The following KHDRBS2 variants were observed in gnomAD, a reference collection of about 807,000 sequenced individuals.
KHDRBS2 encodes the protein KH RNA binding domain containing, signal transduction associated 2.
KHDRBS2 carries 26 observed loss-of-function variants against 44.3 expected under a neutral mutation model. The observed-to-expected ratio is 0.59, with a 90% CI of 0.43 to 0.81. The LOEUF (loss-of-function observed/expected upper bound fraction) is 0.81. KHDRBS2 is among the 40% of genes least tolerant of loss of function. KHDRBS2 has a pLI of 0.00. For synonymous variants in KHDRBS2, 194 were observed against 151.1 expected (o/e 1.28, Z -2.08); for missense variants, 476 against 433.1 (o/e 1.10, Z -0.88).
chr6:61,868,653 C>A (rs755759060), intron 6 of KHDRBS2, among the ~76,000 whole-genome samples: 1 of 152,092 alleles, frequency 6.6e-6, no homozygotes. Flanking sequence ...CCTTCCTCAT[C>A]CAGGCCATTT....
chr6:62,077,401 G>A (rs1796554514), intron 2 of KHDRBS2, among the ~76,000 whole-genome samples: 2 of 151,980 alleles, frequency 1.3e-5, no homozygotes, highest in South Asian at 4.1e-4. Context: ...TTTCTGAAAA[G>A]TGTTGCAGTC....
At chr6:61,990,248 G>C (rs1376153628) in intron 3 of KHDRBS2, among the ~76,000 whole-genome samples, 4 of 152,114 alleles carry the variant, frequency 2.6e-5, no homozygotes, top group African/African-American at 4.8e-5. Context: ...TGTCCAGAAA[G>C]TTTAAATGCA....
the KHDRBS2 span, among the ~76,000 whole-genome samples, chr6:61,665,523 T>C: frequency 1.3e-5 from 2 of 151,258 alleles, no homozygotes; most frequent in Admixed American, 6.6e-5. Flanking sequence ...TGGCTTAATG[T>C]AGAAAAAAAT....
intron 2 of KHDRBS2, among the ~76,000 whole-genome samples, chr6:62,123,913 T>TAA (rs1584840647): frequency 6.6e-6 from 1 of 152,230 alleles, no homozygotes; most frequent in Non-Finnish European, 1.5e-5. Context: ...ATATTCCTTG[T>TAA]AAAACAACTG....
At chr6:61,661,558 T>A in the KHDRBS2 span, among the ~76,000 whole-genome samples, 3 of 151,946 alleles carry the variant, frequency 2.0e-5, no homozygotes, top group African/African-American at 7.2e-5. Context: ...ATATTATGTG[T>A]TTTAGAAAAA....
intron 6 of KHDRBS2, among the ~76,000 whole-genome samples, chr6:61,845,554 C>T (rs1262938563): frequency 1.1e-4 from 16 of 152,116 alleles, no homozygotes; most frequent in African/African-American, 3.6e-4. Context: ...TGTGTCGGCC[C>T]GCCTTGGCCT....
chr6:62,258,317 C>T lies in KHDRBS2; in HGVS notation c.91+27541G>A, dbSNP rs115595034. 3.8e-3 allele frequency among the ~76,000 whole-genome samples: 571 copies of T among 152,088 alleles called. 5 individuals are homozygous for T. The highest frequency in any genetic ancestry group is 0.013 in the African/African-American group (544 of 41,522). On this transcript the variant is annotated intron_variant, in intron 1 of 8. Coordinates refer to ENST00000281156, the MANE Select transcript of KHDRBS2 (RefSeq NM_152688.4). ...GAAAGCCTGGCACTGCTTGTTGTTG[C>T]CGTGGTTTAATGGTTAATACGGATA...
At chr6:61,723,901 T>C (rs944610709) in intron 7 of KHDRBS2, among the ~76,000 whole-genome samples, 5 of 152,052 alleles carry the variant, frequency 3.3e-5, no homozygotes, top group African/African-American at 9.7e-5. Flanking sequence ...TTGAATATCA[T>C]CCAGAAGAAC....
At chr6:62,277,684 T>C (rs1377587631) in intron 1 of KHDRBS2, among the ~76,000 whole-genome samples, 1 of 152,104 alleles carries the variant, frequency 6.6e-6, no homozygotes, top group Non-Finnish European at 1.5e-5. Context: ...GCATATGTGA[T>C]TGTGTAGTCA....
At chr6:62,155,901 C>T (rs1172078356) in intron 2 of KHDRBS2, among the ~76,000 whole-genome samples, 1 of 152,108 alleles carries the variant, frequency 6.6e-6, no homozygotes, top group Non-Finnish European at 1.5e-5. Context: ...TTCTGTCCTG[C>T]TGGTGTATTT....
intron 3 of KHDRBS2, among the ~76,000 whole-genome samples, chr6:62,014,276 T>G (rs1205355310): frequency 1.3e-5 from 2 of 152,190 alleles, no homozygotes; most frequent in Non-Finnish European, 2.9e-5. Flanking sequence ...CATTTAAATT[T>G]TCTTTCTTAT....
the KHDRBS2 span, among the ~76,000 whole-genome samples, chr6:61,587,031 G>C: frequency 6.6e-6 from 1 of 152,016 alleles, no homozygotes; most frequent in Non-Finnish European, 1.5e-5. Flanking sequence ...CTTTCTCCTT[G>C]CCATTTTTAT....
chr6:61,869,926 G>C (rs1246213717), intron 6 of KHDRBS2, among the ~76,000 whole-genome samples: 1 of 151,406 alleles, frequency 6.6e-6, no homozygotes, highest in Non-Finnish European at 1.5e-5. Context: ...AAAAAACTGG[G>C]CAGCCATTCG....
At chr6:61,724,577 C>A (rs1773239861) in intron 7 of KHDRBS2, among the ~76,000 whole-genome samples, 1 of 152,120 alleles carries the variant, frequency 6.6e-6, no homozygotes, top group Non-Finnish European at 1.5e-5. Flanking sequence ...ATCTCATGTG[C>A]AAAGACACAC....
At chr6:61,569,265 C>A in the KHDRBS2 span, among the ~76,000 whole-genome samples, 3 of 152,134 alleles carry the variant, frequency 2.0e-5, no homozygotes, top group South Asian at 2.1e-4. Flanking sequence ...TGAGCCCAGA[C>A]CCTCCTAATC....
chr6:61,907,289 T>C (rs1339365438), intron 4 of KHDRBS2, among the ~76,000 whole-genome samples: 1 of 152,100 alleles, frequency 6.6e-6, no homozygotes, highest in African/African-American at 2.4e-5. Flanking sequence ...GAGCTCCTTA[T>C]ATATTCTGGT....
the KHDRBS2 span, among the ~76,000 whole-genome samples, chr6:61,654,823 C>G: frequency 1.1e-4 from 16 of 151,444 alleles, no homozygotes; most frequent in Non-Finnish European, 1.8e-4. Flanking sequence ...GGAACTGTGG[C>G]AAACTTGAGT....
chr6:62,179,991 C>G (rs893508248), intron 1 of KHDRBS2, among the ~76,000 whole-genome samples: 1 of 151,746 alleles, frequency 6.6e-6, no homozygotes, highest in African/African-American at 2.4e-5. Context: ...CCAAACTTGC[C>G]TGAGTTTAAA....
intron 2 of KHDRBS2, among the ~76,000 whole-genome samples, chr6:62,169,104 T>C (rs12529411): frequency 6.4e-4 from 77 of 120,030 alleles, no homozygotes; most frequent in African/African-American, 1.9e-3. Context: ...TATTTATATA[T>C]ACACATATAT....
Sources: allele counts gnomAD v4.1 joint callset (sites outside exome capture counted in the v4.1 genomes callset), GRCh38; gene constraint gnomAD v4.1.1; transcripts MANE v1.5; gene names NCBI Gene and HGNC (gene_info 2026-07-23, HGNC 2026-07-21).